The following AKR1E2 variants were observed in gnomAD, a reference collection of about 807,000 sequenced individuals.
AKR1E2 encodes the protein aldo-keto reductase family 1 member E2.
In AKR1E2, 43 loss-of-function variants were observed where a neutral mutation model predicts 41.9. That is an observed-to-expected ratio of 1.03 (90% CI 0.80 to 1.32). The LOEUF (loss-of-function observed/expected upper bound fraction) is 1.32, where lower values mean the gene tolerates loss of function less well. AKR1E2 is among the 40% of genes most tolerant of loss of function. The pLI is 0.00. For missense variants in AKR1E2, 423 were observed against 396.5 expected (o/e 1.07, Z -0.57); for synonymous variants, 121 against 138.9 (o/e 0.87, Z 0.91).
intron 3 of AKR1E2, among the ~76,000 whole-genome samples, chr10:4,834,485 G>T (rs1017625328): frequency 6.6e-6 from 1 of 152,092 alleles, no homozygotes; most frequent in African/African-American, 2.4e-5. Flanking sequence ...TTAAAACAAT[G>T]GCTACAGCTG....
chr10:4,863,488 A>C, the AKR1E2 span, among the ~76,000 whole-genome samples: 1 of 152,158 alleles, frequency 6.6e-6, no homozygotes, highest in African/African-American at 2.4e-5. Flanking sequence ...TATAGCACTA[A>C]ATGCCCACAA....
intron 5 of AKR1E2, among the ~76,000 whole-genome samples, chr10:4,838,361 A>G (rs1588460639): frequency 6.6e-6 from 1 of 152,276 alleles, no homozygotes; most frequent in East Asian, 1.9e-4. Context: ...GTTTCTGTAC[A>G]TGTGATTGTA....
At position 4,830,730 on chromosome 10, in the gene AKR1E2, G is replaced by A. The variant is rs750739527; in HGVS notation, c.95G>A (p.Arg32Gln). The change falls in exon 2 of 10, where the codon CGG (arginine) becomes CAG (glutamine). Residue 32 changes from arginine to glutamine, a missense_variant. Arg to Gln is a conservative substitution (Grantham distance 43, BLOSUM62 1). Coordinates refer to ENST00000298375, the MANE Select transcript of AKR1E2 (RefSeq NM_001040177.3). The stretch of plus-strand genomic sequence containing the variant: ...AAAGAGGCCATTGACGCAGGGTACC[G>A]GCACTTCGACTGTGCTTACTTTTAC... ...AVKEAIDAGYRHFDCAYFYHN... is the reference protein window; with the variant it reads ...AVKEAIDAGYQHFDCAYFYHN... The A allele has an allele frequency of 5.0e-6, 8 of 1,613,954 alleles. No individual in the cohort carries two copies. The Admixed American group carries it at 8.3e-5, about 17-fold the overall frequency.
At chr10:4,826,481 C>T (rs1832515589) in intron 1 of AKR1E2, 118 bp downstream of exon 1, 3 of 965,474 alleles carry the variant, frequency 3.1e-6, no homozygotes, top group South Asian at 5.2e-5. Context: ...CTCCGCCTGG[C>T]CGACGCCCGG....
At chr10:4,838,042 ATAACTATTGTATTTTC>A (rs1226934992) in intron 5 of AKR1E2, among the ~76,000 whole-genome samples, 1 of 152,338 alleles carries the variant, frequency 6.6e-6, no homozygotes, top group African/African-American at 2.4e-5. Flanking sequence ...TTGTGGGGAA[ATAACTATTGTATTTTC>A]TAGACTAGCT....
At chr10:4,857,802 ACT>A in the AKR1E2 span, among the ~76,000 whole-genome samples, 1 of 151,400 alleles carries the variant, frequency 6.6e-6, no homozygotes, top group East Asian at 1.9e-4. Context: ...TTTTTACACT[ACT>A]CTCTCATACT....
chr10:4,846,936 C>G (rs965205078), intron 8 of AKR1E2, among the ~76,000 whole-genome samples: 1 of 152,170 alleles, frequency 6.6e-6, no homozygotes, highest in African/African-American at 2.4e-5. Context: ...TAAATGTAGC[C>G]AAGGCCAAGC....
chr10:4,838,008 G>A (rs374261069), intron 5 of AKR1E2, among the ~76,000 whole-genome samples: 4 of 152,216 alleles, frequency 2.6e-5, no homozygotes, highest in Admixed American at 1.3e-4. Context: ...CAGGCACTTC[G>A]TTTTTTTAAT....
At chr10:4,834,768 G>A (rs181434393) in intron 3 of AKR1E2, among the ~76,000 whole-genome samples, 135 of 152,312 alleles carry the variant, frequency 8.9e-4, no homozygotes, top group African/African-American at 2.0e-3. Context: ...TTTCTGGGTC[G>A]TAGAAAAGGA....
chr10:4,873,167 G>A, the AKR1E2 span, among the ~76,000 whole-genome samples: 73 of 152,286 alleles, frequency 4.8e-4, no homozygotes, highest in Non-Finnish European at 9.7e-4. Flanking sequence ...TAGTGAATGA[G>A]TCTCACGAGA....
chr10:4,856,565 A>C, the AKR1E2 span, among the ~76,000 whole-genome samples: 6 of 152,336 alleles, frequency 3.9e-5, no homozygotes, highest in South Asian at 1.2e-3. Flanking sequence ...CAGTTGACTT[A>C]TTTGGTATAA....
At chr10:4,827,320 G>T (rs1327845058) in intron 1 of AKR1E2, among the ~76,000 whole-genome samples, 1 of 141,748 alleles carries the variant, frequency 7.1e-6, no homozygotes, top group Non-Finnish European at 1.6e-5. Flanking sequence ...TTTGTGGTAA[G>T]ATGTTTGAAA....
At chr10:4,864,332 G>A in the AKR1E2 span, among the ~76,000 whole-genome samples, 1 of 152,098 alleles carries the variant, frequency 6.6e-6, no homozygotes, top group Non-Finnish European at 1.5e-5. Flanking sequence ...ACGTAATCCA[G>A]CATATAAACA....
At chr10:4,837,835 G>T (rs2131535336) in intron 5 of AKR1E2, among the ~76,000 whole-genome samples, 2 of 152,320 alleles carry the variant, frequency 1.3e-5, no homozygotes, top group South Asian at 4.1e-4. Context: ...GTGCAGGCAG[G>T]TCACCAGGTG....
chr10:4,835,784 A>G lies in AKR1E2; in HGVS notation c.434A>G (p.Asp145Gly). The G allele has an allele frequency of 6.2e-7, 1 of 1,614,114 alleles. No individual in the cohort carries two copies. The highest frequency in any genetic ancestry group is 8.5e-7 in the Non-Finnish European group (1 of 1,180,018). Residue 145 changes from aspartate to glycine, a missense_variant, in exon 4 of 10, where the codon GAC becomes GGC. Asp to Gly is a moderately conservative substitution (Grantham distance 94, BLOSUM62 -1). Coordinates refer to ENST00000298375, the MANE Select transcript of AKR1E2 (RefSeq NM_001040177.3). ...LDESNMVIPS[D>G]TDFLDTWEAM... ...GAGAGCAACATGGTTATTCCCAGTGACACGGACTTCCTGGACACGTGGGAG... is the reference window on the plus strand; with the variant it reads ...GAGAGCAACATGGTTATTCCCAGTGGCACGGACTTCCTGGACACGTGGGAG...
At chr10:4,833,282 G>T (rs1466154784) in intron 2 of AKR1E2, 68 bp from the exon 3 acceptor site, 11 of 1,251,866 alleles carry the variant, frequency 8.8e-6, no homozygotes, top group African/African-American at 3.0e-5. Context: ...AGCTTTGTGG[G>T]GCTACAGAAT....
chr10:4,827,088 AAAAAAG>A (rs1554753020), intron 1 of AKR1E2, among the ~76,000 whole-genome samples: 1 of 150,574 alleles, frequency 6.6e-6, no homozygotes, highest in Non-Finnish European at 1.5e-5. Flanking sequence ...AAAAAAAAAA[AAAAAAG>A]AAAAAAGGAA....
the AKR1E2 span, among the ~76,000 whole-genome samples, chr10:4,854,576 T>C: frequency 6.6e-6 from 1 of 152,014 alleles, no homozygotes; most frequent in Admixed American, 6.6e-5. Context: ...AGAGGCTAAC[T>C]TTGGGTAAGT....
upstream of AKR1E2, among the ~76,000 whole-genome samples, chr10:4,825,895 A>C (rs1481635854): frequency 6.6e-6 from 1 of 152,192 alleles, no homozygotes; most frequent in Admixed American, 6.5e-5. Context: ...ACCCGGTGCG[A>C]GGGAGAAGGC....
Sources: gnomAD v4.1 joint callset for allele counts (sites outside exome capture counted in the v4.1 genomes callset) on GRCh38, gnomAD v4.1.1 for gene constraint, MANE v1.5 for transcripts, NCBI Gene and HGNC (gene_info 2026-07-23, HGNC 2026-07-21) for gene names.